The following KALRN variants were observed in gnomAD, a reference collection of about 807,000 sequenced individuals.
The protein encoded by KALRN is kalirin RhoGEF kinase.
In KALRN, 70 loss-of-function variants were observed where a neutral mutation model predicts 353.7. That is an observed-to-expected ratio of 0.20 (90% CI 0.16 to 0.24). The LOEUF is 0.24. Ranked by LOEUF, KALRN falls within the 10% of genes least tolerant of loss-of-function variation. The probability of loss-of-function intolerance (pLI) is 1.00; values close to 1 mark genes in which losing one functional copy is unlikely to be tolerated. For synonymous variants in KALRN, 1,391 were observed against 1,434.8 expected (o/e 0.97, Z 0.69); for missense variants, 2,791 against 3,756.7 (o/e 0.74, Z 6.72).
chr3:124,045,349 T>TA (rs1166182753), intron 1 of KALRN, among the ~76,000 whole-genome samples: 1 of 151,986 alleles, frequency 6.6e-6, no homozygotes, highest in Non-Finnish European at 1.5e-5. Flanking sequence ...CCATAGGGAG[T>TA]AATGTCACAG....
intron 4 of KALRN, among the ~76,000 whole-genome samples, chr3:124,267,817 G>A (rs886109263): frequency 6.6e-6 from 1 of 152,194 alleles, no homozygotes; most frequent in Non-Finnish European, 1.5e-5. Context: ...GATTGAGCAT[G>A]TACTCCATGC....
intron 3 of KALRN, among the ~76,000 whole-genome samples, chr3:124,241,012 G>A (rs1289635993): frequency 6.6e-6 from 1 of 152,050 alleles, no homozygotes; most frequent in Non-Finnish European, 1.5e-5. Flanking sequence ...CTACATATGA[G>A]GGACTAGATG....
chr3:124,410,513 G>A (rs1017220785), intron 13 of KALRN, among the ~76,000 whole-genome samples: 1 of 152,144 alleles, frequency 6.6e-6, no homozygotes, highest in African/African-American at 2.4e-5. Context: ...AATTAACTCA[G>A]TATTTTAAAA....
At chr3:124,603,838 C>G (rs898157334) in intron 34 of KALRN, among the ~76,000 whole-genome samples, 2 of 152,018 alleles carry the variant, frequency 1.3e-5, no homozygotes, top group Non-Finnish European at 1.5e-5. Context: ...GGTGTTTTTA[C>G]CTTATAGTAT....
Position 124,650,932 on chromosome 3 carries a change from G to A in KALRN, c.5789G>A (p.Gly1930Asp), listed in dbSNP as rs745789056. 4 of 1,614,140 alleles carry A rather than the reference G, an allele frequency of 2.5e-6. No homozygotes were observed. In the East Asian group the frequency reaches 6.7e-5, roughly 27 times the overall value. Residue 1930 changes from glycine (G) to aspartate (D), a missense_variant, in exon 38 of 60, where the codon GGC becomes GAC. Transcript: ENST00000682506. ...EEEQKAKALR[G>D]RMFVLNELVQ... Reference sequence around the variant, plus strand: ...GAACAGAAAGCCAAGGCCCTGAGAGGCAGGATGTAAGTGGCTTCCCCAGTT... The same window carrying A: ...GAACAGAAAGCCAAGGCCCTGAGAGACAGGATGTAAGTGGCTTCCCCAGTT...
At chr3:124,057,912 C>G (rs2041695527) in intron 1 of KALRN, among the ~76,000 whole-genome samples, 1 of 152,180 alleles carries the variant, frequency 6.6e-6, no homozygotes, top group South Asian at 2.1e-4. Flanking sequence ...CCTTTTCATG[C>G]TGCTGATAAA....
chr3:124,330,281 CA>C (rs1560583398), intron 8 of KALRN, among the ~76,000 whole-genome samples: 21 of 149,050 alleles, frequency 1.4e-4, no homozygotes, highest in Middle Eastern at 3.4e-3. Context: ...CACACACACA[CA>C]CACACCCCAT....
chr3:124,207,462 C>A (rs964873457), intron 1 of KALRN, among the ~76,000 whole-genome samples: 1 of 152,176 alleles, frequency 6.6e-6, no homozygotes, highest in Non-Finnish European at 1.5e-5. Context: ...CCAGGCACAT[C>A]AAACAGCGTG....
At chr3:124,384,149 T>C (rs538596771) in intron 10 of KALRN, among the ~76,000 whole-genome samples, 1 of 152,290 alleles carries the variant, frequency 6.6e-6, no homozygotes, top group South Asian at 2.1e-4. Flanking sequence ...GAGAATACCA[T>C]GGTGTGTACA....
At position 124,628,742 on chromosome 3, in the gene KALRN, A is replaced by ATTTTTTT. The variant is rs58523719; in HGVS notation, c.5183-3656_5183-3650dup. ...AGTCATGTGCCACCACACCTGGCTA[A>ATTTTTTT]TTTTTTTTTTTTTTTTTTTTTTTTT... is the stretch of plus-strand genomic sequence containing the variant. On this transcript the variant is annotated intron_variant, in intron 34 of 59. Transcript: ENST00000682506. Among the ~76,000 whole-genome samples the ATTTTTTT allele has an allele frequency of 2.6e-4, 26 of 100,144 alleles. 1 individual carries two copies. Among genetic ancestry groups the ATTTTTTT allele is most frequent in the African/African-American group, 9.8e-4 (21 of 21,492 alleles). The allele number at this position is 100,144 out of a possible 152,430, so 65.7% of individuals were successfully genotyped here.
At chr3:124,160,530 AC>A (rs1012897466) in intron 1 of KALRN, among the ~76,000 whole-genome samples, 7 of 151,882 alleles carry the variant, frequency 4.6e-5, no homozygotes, top group African/African-American at 1.7e-4. Context: ...GTGTGAAATG[AC>A]CCAATTGGTT....
intron 9 of KALRN, among the ~76,000 whole-genome samples, chr3:124,345,214 A>G (rs933709542): frequency 2.6e-5 from 4 of 152,204 alleles, no homozygotes; most frequent in Admixed American, 2.6e-4. Context: ...TCAAACCTCA[A>G]TTTGTTTTCA....
Position 124,446,876 on chromosome 3 carries a change from G to A in KALRN, c.3543G>A (p.Val1181=). ...TGAAAGAATATGGGGAATTCAGGGT[G>A]CCTGCCAAGGTAGGAAACATCCCAG... ...ELLKEYGEFR[V]PAKQTKEKVK... The change falls in exon 21 of 60, where the codon GTG becomes GTA. Residue 1181 remains valine (V), a synonymous_variant. Transcript: ENST00000682506. The A allele has an allele frequency of 6.2e-7, 1 of 1,614,058 alleles. No homozygotes were observed. The highest frequency in any genetic ancestry group is 2.2e-5 in the East Asian group (1 of 44,878).
chr3:124,137,643 A>G (rs1454311046), intron 1 of KALRN, among the ~76,000 whole-genome samples: 2 of 152,166 alleles, frequency 1.3e-5, no homozygotes, highest in African/African-American at 4.8e-5. Context: ...ACTACTTCTT[A>G]AAAGAGTTTC....
rs557137971 is a variant in KALRN, at chr3:124,410,763, A to G, written c.2347-2707A>G. 2.6e-5 allele frequency among the ~76,000 whole-genome samples: 4 copies of G among 152,350 alleles called. No homozygotes were observed. The South Asian group carries it at 6.2e-4, about 24-fold the overall frequency. ...GCTCCTGGGTATGTAAAATATTACA[A>G]TCATTTTGAGGAAATCTGATGGTTC... is the stretch of plus-strand genomic sequence containing the variant. On this transcript the variant is annotated intron_variant, in intron 13 of 59. Transcript: ENST00000682506.
intron 4 of KALRN, among the ~76,000 whole-genome samples, chr3:124,265,295 A>ATTTTTTTTTTTTTTTTTTTTTTTTTTTT (rs1465968614): frequency 1.6e-5 from 1 of 61,090 alleles, no homozygotes; most frequent in Non-Finnish European, 3.5e-5. Flanking sequence ...TTAAGAAAAT[A>ATTTTTTTTTTTTTTTTTTTTTTTTTTTT]TTCTTTTTTT....
chr3:124,682,008 G>A (rs2061362756), intron 51 of KALRN, among the ~76,000 whole-genome samples: 1 of 152,180 alleles, frequency 6.6e-6, no homozygotes, highest in Admixed American at 6.5e-5. Flanking sequence ...AGGGAAAGCA[G>A]GCAACTTGGC....
At chr3:124,627,429 A>G (rs1377408733) in intron 34 of KALRN, among the ~76,000 whole-genome samples, 2 of 152,254 alleles carry the variant, frequency 1.3e-5, no homozygotes, top group Non-Finnish European at 2.9e-5. Flanking sequence ...AAATGACAAC[A>G]GGGGAAGAGG....
intron 1 of KALRN, among the ~76,000 whole-genome samples, chr3:124,074,158 C>T (rs994855616): frequency 6.6e-5 from 10 of 152,092 alleles, no homozygotes; most frequent in African/African-American, 2.4e-4. Flanking sequence ...TGCATTTCTA[C>T]AGTCAGCTCC....
Sources: allele counts gnomAD v4.1 joint callset (sites outside exome capture counted in the v4.1 genomes callset), GRCh38; gene constraint gnomAD v4.1.1; transcripts MANE v1.5; gene names NCBI Gene and HGNC (gene_info 2026-07-23, HGNC 2026-07-21).